Variants in ITFG1 observed in about 807,000 individuals in gnomAD.
The protein encoded by ITFG1 is T-cell immunomodulatory protein.
ITFG1 carries 34 observed loss-of-function variants against 81.8 expected under a neutral mutation model. The observed-to-expected ratio is 0.42, with a 90% CI of 0.32 to 0.55. The LOEUF is 0.55. Ranked by LOEUF, ITFG1 falls within the 20% of genes least tolerant of loss-of-function variation. ITFG1 has a pLI of 0.17. For synonymous variants in ITFG1, 285 were observed against 270.6 expected (o/e 1.05, Z -0.52); for missense variants, 672 against 755.4 (o/e 0.89, Z 1.29).
intron 13 of ITFG1, among the ~76,000 whole-genome samples, chr16:47,225,263 T>TA (rs202241491): frequency 1.5e-4 from 22 of 142,694 alleles, no homozygotes; most frequent in Admixed American, 2.1e-4. Context: ...AAAAAGGGAA[T>TA]AAAAAAAAAA....
At chr16:47,241,808 G>C (rs897313055) in intron 12 of ITFG1, among the ~76,000 whole-genome samples, 19 of 152,126 alleles carry the variant, frequency 1.2e-4, no homozygotes, top group Non-Finnish European at 2.8e-4. Flanking sequence ...ACAAAAATTA[G>C]CTGGGCGTGG....
chr16:47,357,208 A>G (rs1182064440), intron 8 of ITFG1, among the ~76,000 whole-genome samples: 1 of 152,172 alleles, frequency 6.6e-6, no homozygotes, highest in African/African-American at 2.4e-5. Flanking sequence ...ATTAAATTAC[A>G]AAATAGCAAT....
chr16:47,335,068 T>A (rs988850360), intron 8 of ITFG1, among the ~76,000 whole-genome samples: 1 of 152,154 alleles, frequency 6.6e-6, no homozygotes, highest in Admixed American at 6.5e-5. Flanking sequence ...ATAAAACCCA[T>A]TAAGATGACT....
Position 47,452,781 on chromosome 16 carries a change from T to C in ITFG1, c.437A>G (p.Asn146Ser). ...WGQNQTLDPN[N>S]MTILNRTFQD... ...AAAAGTCCTATTGAGTATGGTCATA[T>C]TGTTAGGATCTGCAAAAAAGATATA... The change falls in exon 4 of 18, where the codon AAT (asparagine) becomes AGT (serine). Residue 146 changes from asparagine (N) to serine (S), a missense_variant. Around this residue, in one of 3 missense-constraint regions of ITFG1, gnomAD observed 560 missense variants for 625.7 expected, o/e 0.90. Transcript: ENST00000320640. 5.8e-6 allele frequency: 9 copies of C among 1,564,194 alleles called. No homozygotes were observed. Among genetic ancestry groups the C allele is most frequent in the South Asian group, 1.2e-5 (1 of 85,212 alleles).
intron 8 of ITFG1, among the ~76,000 whole-genome samples, chr16:47,345,988 A>G (rs1967849357): frequency 6.6e-6 from 1 of 152,204 alleles, no homozygotes; most frequent in African/African-American, 2.4e-5. Flanking sequence ...ATAAGGAACT[A>G]CCAGAATTGA....
intron 8 of ITFG1, among the ~76,000 whole-genome samples, chr16:47,362,921 G>C (rs1472731224): frequency 6.6e-6 from 1 of 151,474 alleles, no homozygotes; most frequent in Non-Finnish European, 1.5e-5. Context: ...TTTGAGAGGG[G>C]GTCTCACTCT....
intron 1 of ITFG1, 97 bp downstream of exon 1, chr16:47,460,741 G>A: frequency 7.6e-7 from 1 of 1,324,298 alleles, no homozygotes; most frequent in East Asian, 2.5e-5. Context: ...AGAAGGACCA[G>A]GAAATGCAGA....
At chr16:47,445,224 T>A (rs1329729876) in intron 5 of ITFG1, among the ~76,000 whole-genome samples, 3 of 133,360 alleles carry the variant, frequency 2.2e-5, no homozygotes, top group African/African-American at 8.6e-5. Context: ...CCCAGCACTT[T>A]GGGAGAGCGA....
chr16:47,366,540 C>T (rs563611906), intron 7 of ITFG1, among the ~76,000 whole-genome samples: 36 of 152,292 alleles, frequency 2.4e-4, no homozygotes, highest in African/African-American at 7.5e-4. Context: ...CAAACAAAAA[C>T]AGCACACATC....
intron 14 of ITFG1, among the ~76,000 whole-genome samples, chr16:47,168,065 T>G (rs1468455862): frequency 2.0e-5 from 3 of 152,242 alleles, no homozygotes; most frequent in Non-Finnish European, 1.5e-5. Context: ...TGAGGGTTCC[T>G]ATTTTTCACA....
intron 1 of ITFG1, among the ~76,000 whole-genome samples, chr16:47,460,104 C>G (rs771431637): frequency 1.3e-5 from 2 of 152,162 alleles, no homozygotes; most frequent in Non-Finnish European, 1.5e-5. Flanking sequence ...TTTCCAAGAA[C>G]AAGTTAGCAA....
intron 10 of ITFG1, among the ~76,000 whole-genome samples, chr16:47,280,507 G>A (rs1003258108): frequency 6.6e-6 from 1 of 152,088 alleles, no homozygotes; most frequent in African/African-American, 2.4e-5. Flanking sequence ...GGTATAATGG[G>A]AAATATATAT....
intron 10 of ITFG1, chr16:47,263,158 G>A (rs146139285): frequency 1.2e-3 from 346 of 297,408 alleles, no homozygotes; most frequent in South Asian, 2.4e-3. Flanking sequence ...AAGGCATGGG[G>A]CTGTCCATAG....
rs893347970 is a variant in ITFG1, at chr16:47,241,414, G to A, written c.1331-3406C>T. Among the ~76,000 whole-genome samples, 7 of 152,298 alleles carry A rather than the reference G, an allele frequency of 4.6e-5. No individual in the cohort carries two copies. The South Asian group carries it at 6.2e-4, about 14-fold the overall frequency. On this transcript the variant is annotated intron_variant, in intron 12 of 17. Transcript: ENST00000320640. ...ACCATCCAAATGTCCATCAAATGAT[G>A]ACTGGATAAACAAAATCTGGAATAT...
intron 12 of ITFG1, among the ~76,000 whole-genome samples, chr16:47,243,392 C>G (rs1247035531): frequency 6.6e-6 from 1 of 151,992 alleles, no homozygotes; most frequent in Non-Finnish European, 1.5e-5. Context: ...AACAAATTCA[C>G]TAGTGAAATA....
chr16:47,402,617 T>C (rs1968675412), intron 6 of ITFG1, among the ~76,000 whole-genome samples: 1 of 152,226 alleles, frequency 6.6e-6, no homozygotes, highest in African/African-American at 2.4e-5. Flanking sequence ...ATCTGAGAAC[T>C]ATTTCCACTT....
At chr16:47,293,331 G>A (rs549624915) in intron 10 of ITFG1, among the ~76,000 whole-genome samples, 10 of 151,642 alleles carry the variant, frequency 6.6e-5, no homozygotes, top group South Asian at 6.2e-4. Context: ...TGCTGGTATC[G>A]TTTTGGTATA....
At chr16:47,195,092 C>T (rs1398762946) in intron 14 of ITFG1, among the ~76,000 whole-genome samples, 1 of 152,004 alleles carries the variant, frequency 6.6e-6, no homozygotes, top group African/African-American at 2.4e-5. Flanking sequence ...ATCTTTTTTT[C>T]ACTTGCTCCT....
intron 6 of ITFG1, among the ~76,000 whole-genome samples, chr16:47,389,950 G>C (rs1968510164): frequency 6.6e-6 from 1 of 152,214 alleles, no homozygotes; most frequent in South Asian, 2.1e-4. Flanking sequence ...TTAATAACTT[G>C]TCAGTGAATT....
Sources: allele counts gnomAD v4.1 joint callset (sites outside exome capture counted in the v4.1 genomes callset), GRCh38; gene constraint gnomAD v4.1.1; regional missense constraint gnomAD v4.1.1; transcripts MANE v1.5; gene names NCBI Gene and HGNC (gene_info 2026-07-23, HGNC 2026-07-21).